The following SEMA6D variants were observed in gnomAD, a reference collection of about 807,000 sequenced individuals.
The protein encoded by SEMA6D is semaphorin-6D.
In SEMA6D, 35 loss-of-function variants were observed where a neutral mutation model predicts 106.6. That is an observed-to-expected ratio of 0.33 (90% CI 0.25 to 0.44). The LOEUF is 0.44. SEMA6D is among the 20% of genes least tolerant of loss of function. SEMA6D has a pLI of 1.00. For synonymous variants in SEMA6D, 499 were observed against 487.7 expected (o/e 1.02, Z -0.31); for missense variants, 1,185 against 1,345.9 (o/e 0.88, Z 1.87).
chr15:47,740,689 G>C (rs138107932), intron 1 of SEMA6D, among the ~76,000 whole-genome samples: 5 of 152,258 alleles, frequency 3.3e-5, no homozygotes, highest in African/African-American at 1.2e-4. Flanking sequence ...CCAAAGGAGC[G>C]AGCCGTGAGC....
At chr15:47,719,204 TGAGGAACTTAGGGCA>T (rs2079276297) in intron 1 of SEMA6D, among the ~76,000 whole-genome samples, 2 of 152,174 alleles carry the variant, frequency 1.3e-5, no homozygotes, top group African/African-American at 4.8e-5. Flanking sequence ...TCGCAGCGTT[TGAGGAACTTAGGGCA>T]GTACTCCCTG....
intron 3 of SEMA6D, among the ~76,000 whole-genome samples, chr15:47,582,526 G>A (rs1035641640): frequency 2.6e-5 from 4 of 152,178 alleles, no homozygotes; most frequent in Non-Finnish European, 4.4e-5. Flanking sequence ...TGCCTATAGG[G>A]TGTGGTGTGA....
intron 3 of SEMA6D, among the ~76,000 whole-genome samples, chr15:47,597,188 A>G (rs2076553663): frequency 6.6e-6 from 1 of 152,092 alleles, no homozygotes; most frequent in Non-Finnish European, 1.5e-5. Context: ...ACCTGTCAGA[A>G]TGCCTATTAC....
intron 1 of SEMA6D, among the ~76,000 whole-genome samples, chr15:47,303,750 A>T (rs996114117): frequency 4.6e-5 from 7 of 152,172 alleles, no homozygotes; most frequent in Non-Finnish European, 7.3e-5. Flanking sequence ...TCCACGAATG[A>T]TGACACCAGT....
At chr15:47,585,934 A>G (rs181636241) in intron 3 of SEMA6D, among the ~76,000 whole-genome samples, 15 of 152,318 alleles carry the variant, frequency 9.8e-5, no homozygotes, top group Admixed American at 6.5e-4. Flanking sequence ...AAGAGTTGTT[A>G]TGATTAACTG....
At chr15:47,687,626 A>G (rs2078497376) in intron 4 of SEMA6D, among the ~76,000 whole-genome samples, 1 of 152,212 alleles carries the variant, frequency 6.6e-6, no homozygotes, top group Non-Finnish European at 1.5e-5. Flanking sequence ...GCGGGAAAGT[A>G]ACATGATCAA....
At position 47,188,682 on chromosome 15, in the gene SEMA6D, C is replaced by G. The variant is rs72731736; in HGVS notation, c.-239+4264C>G. ...TTTATTCTACTTATGTATACAATTT[C>G]TCTGTCATAATGTCTTATTTTGTTT... On this transcript the variant is annotated intron_variant, in intron 1 of 19. Coordinates refer to the SEMA6D transcript ENST00000558014. 1.7e-4 allele frequency among the ~76,000 whole-genome samples: 26 copies of G among 152,160 alleles called. 1 individual carries two copies. The South Asian group carries it at 1.9e-3, about 11-fold the overall frequency.
chr15:47,760,683 T>C (rs1254693762), intron 3 of SEMA6D, among the ~76,000 whole-genome samples: 1 of 152,164 alleles, frequency 6.6e-6, no homozygotes, highest in Non-Finnish European at 1.5e-5. Context: ...AAACCTTTCT[T>C]TATGCGTTTT....
chr15:47,633,231 T>C (rs974958679), intron 4 of SEMA6D, among the ~76,000 whole-genome samples: 2 of 152,126 alleles, frequency 1.3e-5, no homozygotes, highest in African/African-American at 4.8e-5. Context: ...TCTATCATTT[T>C]TGAGTTTCCA....
At chr15:47,573,088 T>C (rs1447641847) in intron 3 of SEMA6D, among the ~76,000 whole-genome samples, 1 of 151,570 alleles carries the variant, frequency 6.6e-6, no homozygotes, top group Non-Finnish European at 1.5e-5. Flanking sequence ...TACAAAGAAA[T>C]AAAAGTGTAA....
At chr15:47,421,965 A>G (rs2041172981) in intron 2 of SEMA6D, among the ~76,000 whole-genome samples, 1 of 152,102 alleles carries the variant, frequency 6.6e-6, no homozygotes, top group Admixed American at 6.6e-5. Flanking sequence ...ATGTAACTTC[A>G]TAGTGTGTAA....
At chr15:47,712,061 T>C (rs1182189281) in intron 4 of SEMA6D, among the ~76,000 whole-genome samples, 4 of 152,238 alleles carry the variant, frequency 2.6e-5, no homozygotes, top group Admixed American at 1.3e-4. Context: ...ATAGGTCTTA[T>C]TATTCTTTAC....
At chr15:47,545,771 C>T (rs960319272) in intron 3 of SEMA6D, among the ~76,000 whole-genome samples, 4 of 152,194 alleles carry the variant, frequency 2.6e-5, no homozygotes, top group East Asian at 1.9e-4. Flanking sequence ...AGGAAAGAAG[C>T]CCTGGAATGA....
chr15:47,212,687 C>A (rs534276294), intron 1 of SEMA6D, among the ~76,000 whole-genome samples: 1 of 152,152 alleles, frequency 6.6e-6, no homozygotes, highest in South Asian at 2.1e-4. Flanking sequence ...AGTAGCATTT[C>A]CTTTCTTTTT....
At chr15:47,562,700 G>A (rs187021639) in intron 3 of SEMA6D, among the ~76,000 whole-genome samples, 149 of 152,088 alleles carry the variant, frequency 9.8e-4, no homozygotes, top group Non-Finnish European at 1.5e-3. Context: ...ACCAAGAGTT[G>A]GAAACTAGAA....
intron 2 of SEMA6D, among the ~76,000 whole-genome samples, chr15:47,433,320 C>T (rs1306706600): frequency 6.6e-6 from 1 of 151,610 alleles, no homozygotes; most frequent in Non-Finnish European, 1.5e-5. Flanking sequence ...GGCATTATCG[C>T]CAAGTATTTA....
chr15:47,626,843 TG>T (rs2077210581), intron 4 of SEMA6D, among the ~76,000 whole-genome samples: 1 of 152,124 alleles, frequency 6.6e-6, no homozygotes, highest in African/African-American at 2.4e-5. Context: ...CTTTGGCTAA[TG>T]GGGATGTTCC....
At chr15:47,192,545 TGGG>T (rs1703306518) in intron 1 of SEMA6D, among the ~76,000 whole-genome samples, 1 of 152,116 alleles carries the variant, frequency 6.6e-6, no homozygotes, top group African/African-American at 2.4e-5. Flanking sequence ...TGCCCAAAGA[TGGG>T]AAAAAAGCAT....
At chr15:47,240,602 T>C (rs1450952359) in intron 1 of SEMA6D, among the ~76,000 whole-genome samples, 1 of 152,174 alleles carries the variant, frequency 6.6e-6, no homozygotes, top group African/African-American at 2.4e-5. Context: ...TTTTGCATCT[T>C]GATATCTTAT....
Sources: gnomAD v4.1 joint callset for allele counts (sites outside exome capture counted in the v4.1 genomes callset) on GRCh38, gnomAD v4.1.1 for gene constraint, MANE v1.5 for transcripts, NCBI Gene and HGNC (gene_info 2026-07-23, HGNC 2026-07-21) for gene names.